The following ZNF385D variants were observed in gnomAD, a reference collection of about 807,000 sequenced individuals.
ZNF385D encodes zinc finger protein 659.
Under a neutral mutation model 35.8 loss-of-function variants are expected in ZNF385D, and 15 were observed. The ratio of observed to expected loss-of-function variants is 0.42; its 90% CI spans 0.28 to 0.64. The LOEUF (loss-of-function observed/expected upper bound fraction) is 0.64, where lower values mean the gene tolerates loss of function less well. ZNF385D is among the 30% of genes least tolerant of loss of function. The pLI is 0.23. For synonymous variants in ZNF385D, 212 were observed against 186.8 expected, an observed-to-expected ratio of 1.13 and a Z score of -1.10; for missense variants, 474 against 494.6, an observed-to-expected ratio of 0.96 and a Z score of 0.39.
At chr3:21,790,897 G>A (rs965141577) in intron 3 of ZNF385D, among the ~76,000 whole-genome samples, 2 of 152,006 alleles carry the variant, frequency 1.3e-5, no homozygotes, top group Non-Finnish European at 2.9e-5. Flanking sequence ...TTGTCCTTTA[G>A]GACTATTTAT....
At chr3:22,290,677 G>T (rs538051346) in intron 2 of ZNF385D, among the ~76,000 whole-genome samples, 1 of 152,178 alleles carries the variant, frequency 6.6e-6, no homozygotes, top group East Asian at 1.9e-4. Context: ...CTTCAACAAA[G>T]AACACTTTCC....
At position 22,298,447 on chromosome 3, in the gene ZNF385D, ATATT is replaced by A. The variant is rs558033151; in HGVS notation, c.106+73999_106+74002del. Among the ~76,000 whole-genome samples the A allele has an allele frequency of 1.1e-3, 147 of 130,088 alleles. 1 individual carries two copies. Among genetic ancestry groups the A allele is most frequent in the African/African-American group, 3.6e-3 (134 of 37,362 alleles). The allele number at this position is 130,088 out of a possible 152,430, so 85.3% of individuals were successfully genotyped here. ...TATATAATATATAAATATACATAAA[ATATT>A]TATATATAATATATAAATATACATA... On this transcript the variant is annotated intron_variant, in intron 2 of 5. Coordinates refer to the ZNF385D transcript ENST00000494108.
At chr3:21,854,468 A>G (rs1407930336) in intron 3 of ZNF385D, among the ~76,000 whole-genome samples, 2 of 151,968 alleles carry the variant, frequency 1.3e-5, no homozygotes, top group Admixed American at 6.6e-5. Context: ...CAACCTTGGC[A>G]ATAATATAGG....
chr3:22,155,166 C>T (rs182836430), intron 3 of ZNF385D, among the ~76,000 whole-genome samples: 58 of 151,876 alleles, frequency 3.8e-4, no homozygotes, highest in Middle Eastern at 6.8e-3. Flanking sequence ...ACGTGTACCC[C>T]GTAAATATCT....
At chr3:22,179,340 T>A (rs1446927725) in intron 2 of ZNF385D, among the ~76,000 whole-genome samples, 1 of 152,232 alleles carries the variant, frequency 6.6e-6, no homozygotes, top group Admixed American at 6.5e-5. Context: ...TTATTCTCTT[T>A]GAAGAAATTG....
intron 2 of ZNF385D, among the ~76,000 whole-genome samples, chr3:21,623,974 G>A (rs2065070992): frequency 6.6e-6 from 1 of 152,086 alleles, no homozygotes; most frequent in Non-Finnish European, 1.5e-5. Context: ...TATTGAGAAA[G>A]GGAATGGCTT....
chr3:22,067,864 A>C (rs1248803973), intron 3 of ZNF385D, among the ~76,000 whole-genome samples: 1 of 152,262 alleles, frequency 6.6e-6, no homozygotes, highest in Non-Finnish European at 1.5e-5. Context: ...TCTACTAAAA[A>C]TACAAAAATT....
At chr3:22,349,306 A>C (rs938032788) in intron 2 of ZNF385D, among the ~76,000 whole-genome samples, 19 of 152,208 alleles carry the variant, frequency 1.2e-4, no homozygotes, top group Non-Finnish European at 2.9e-5. Context: ...AGTATGAATT[A>C]CTTGTTCACC....
intron 5 of ZNF385D, among the ~76,000 whole-genome samples, chr3:21,430,568 G>A (rs372272792): frequency 8.5e-5 from 13 of 152,172 alleles, no homozygotes; most frequent in African/African-American, 3.1e-4. Context: ...AACTAATATA[G>A]CAGCAAGCCT....
At chr3:22,295,936 A>G (rs1374473238) in intron 2 of ZNF385D, among the ~76,000 whole-genome samples, 2 of 152,252 alleles carry the variant, frequency 1.3e-5, no homozygotes, top group East Asian at 1.9e-4. Context: ...GAAACAGGAG[A>G]AAGTCGACAA....
chr3:22,313,942 T>C (rs1703736924), intron 2 of ZNF385D, among the ~76,000 whole-genome samples: 1 of 152,100 alleles, frequency 6.6e-6, no homozygotes, highest in South Asian at 2.1e-4. Flanking sequence ...TTCTCAGTTA[T>C]CCTATTGCTT....
chr3:22,149,349 A>G (rs1255582183), intron 3 of ZNF385D, among the ~76,000 whole-genome samples: 2 of 152,170 alleles, frequency 1.3e-5, no homozygotes, highest in Non-Finnish European at 2.9e-5. Flanking sequence ...AAGGTTAACT[A>G]TGTTTGCACT....
At chr3:22,170,714 T>A (rs1335419111) in intron 2 of ZNF385D, among the ~76,000 whole-genome samples, 1 of 152,214 alleles carries the variant, frequency 6.6e-6, no homozygotes, top group East Asian at 1.9e-4. Flanking sequence ...CTTTCCTTAT[T>A]TTATATAAAT....
At chr3:21,837,896 T>C (rs1575750429) in intron 3 of ZNF385D, among the ~76,000 whole-genome samples, 1 of 147,334 alleles carries the variant, frequency 6.8e-6, no homozygotes, top group Admixed American at 6.8e-5. Flanking sequence ...ATTGGAGAAA[T>C]AGACTCCACC....
At chr3:21,702,900 T>C (rs2067744365) in intron 1 of ZNF385D, among the ~76,000 whole-genome samples, 1 of 152,184 alleles carries the variant, frequency 6.6e-6, no homozygotes. Flanking sequence ...TTCATATCAC[T>C]ATAAGCAATT....
At chr3:22,104,884 A>C (rs963994709) in intron 3 of ZNF385D, among the ~76,000 whole-genome samples, 1 of 152,174 alleles carries the variant, frequency 6.6e-6, no homozygotes, top group Non-Finnish European at 1.5e-5. Context: ...CAGGGAATAC[A>C]GTGACTGCTG....
chr3:21,797,170 C>T (rs975987415), intron 3 of ZNF385D, among the ~76,000 whole-genome samples: 2 of 152,082 alleles, frequency 1.3e-5, no homozygotes, highest in Non-Finnish European at 2.9e-5. Context: ...AAAAATGGGC[C>T]AAATACCTTG....
intron 3 of ZNF385D, among the ~76,000 whole-genome samples, chr3:22,005,857 A>C (rs1390991267): frequency 6.6e-6 from 1 of 152,092 alleles, no homozygotes; most frequent in Admixed American, 6.5e-5. Context: ...TGAGCTTTAG[A>C]GTACTTAAAA....
At chr3:22,151,681 G>A (rs1290627528) in intron 3 of ZNF385D, among the ~76,000 whole-genome samples, 1 of 152,024 alleles carries the variant, frequency 6.6e-6, no homozygotes. Context: ...AGTAAAACGT[G>A]TTTTACTCAA....
Sources: gnomAD v4.1 joint callset for allele counts (sites outside exome capture counted in the v4.1 genomes callset) on GRCh38, gnomAD v4.1.1 for gene constraint, MANE v1.5 for transcripts, NCBI Gene and HGNC (gene_info 2026-07-23, HGNC 2026-07-21) for gene names.